Variants in ADGRV1 observed in about 807,000 individuals in gnomAD.
ADGRV1 encodes adhesion G protein-coupled receptor V1, also known as G-protein coupled receptor 98.
ADGRV1 carries 359 observed loss-of-function variants against 596.2 expected under a neutral mutation model. The ratio of observed to expected loss-of-function variants is 0.60; its 90% CI spans 0.55 to 0.66. The LOEUF is 0.66. ADGRV1 is among the 30% of genes least tolerant of loss of function. ADGRV1 has a pLI of 0.00. For synonymous variants in ADGRV1, 2,681 were observed against 2,679.2 expected, an observed-to-expected ratio of 1.00 and a Z score of -0.02; for missense variants, 7,274 against 7,575.6, an observed-to-expected ratio of 0.96 and a Z score of 1.48.
At chr5:90,797,816 A>ATTCC (rs1473513086) in intron 70 of ADGRV1, among the ~76,000 whole-genome samples, 1 of 151,264 alleles carries the variant, frequency 6.6e-6, no homozygotes, top group Admixed American at 6.6e-5. Context: ...AGGATTGGGA[A>ATTCC]ACTCACTCAA....
At chr5:90,915,426 A>G (rs989497800) in intron 83 of ADGRV1, among the ~76,000 whole-genome samples, 2 of 152,160 alleles carry the variant, frequency 1.3e-5, no homozygotes, top group African/African-American at 4.8e-5. Context: ...AGTATTACTT[A>G]TTAATCTCTG....
chr5:90,879,611 T>C (rs1769561645), intron 83 of ADGRV1, among the ~76,000 whole-genome samples: 1 of 152,178 alleles, frequency 6.6e-6, no homozygotes, highest in Non-Finnish European at 1.5e-5. Flanking sequence ...TGCTTTTTTT[T>C]TCTCCAAATG....
chr5:90,715,229 G>A (rs1422905571), intron 42 of ADGRV1, among the ~76,000 whole-genome samples: 2 of 152,196 alleles, frequency 1.3e-5, no homozygotes, highest in African/African-American at 4.8e-5. Context: ...GTGAGAGAGA[G>A]GAAAGCTGAT....
intron 84 of ADGRV1, among the ~76,000 whole-genome samples, chr5:90,975,446 T>A (rs990657601): frequency 6.6e-6 from 1 of 152,144 alleles, no homozygotes; most frequent in African/African-American, 2.4e-5. Flanking sequence ...GACTTGGAAC[T>A]CACCCAAATG....
chr5:90,763,093 T>C, intron 58 of ADGRV1: 1 of 465,102 alleles, frequency 2.2e-6, no homozygotes, highest in African/African-American at 1.9e-5. Flanking sequence ...CTCTACCTAA[T>C]TGCAAGAGAA....
chr5:90,626,889 T>G (rs948781771), intron 6 of ADGRV1, among the ~76,000 whole-genome samples: 1 of 152,208 alleles, frequency 6.6e-6, no homozygotes. Flanking sequence ...CTGATAAAAC[T>G]GATAGAAATG....
In ADGRV1 at chr5:90,675,299, C is replaced by G. The variant is rs755132518; in HGVS notation, c.5167C>G (p.Pro1723Ala). 14 of 1,613,754 alleles carry G rather than the reference C, an allele frequency of 8.7e-6. No individual in the cohort carries two copies. The Admixed American group carries it at 1.2e-4, about 13-fold the overall frequency. Reference protein sequence around the residue: ...PPQPKDAMTLPASSVPHITVE... With the variant: ...PPQPKDAMTLAASSVPHITVE... The stretch of plus-strand genomic sequence containing the variant: ...TCAGCCTAAGGACGCAATGACCCTG[C>G]CTGCAAGCAGCGTTCCACATATCAC... Residue 1723 changes from proline (P) to alanine (A), a missense_variant, in exon 24 of 90, where the codon CCT becomes GCT. Pro to Ala is a conservative substitution (Grantham distance 27). Coordinates refer to ENST00000405460, the MANE Select transcript of ADGRV1 (RefSeq NM_032119.4).
intron 83 of ADGRV1, chr5:90,929,596 G>C (rs533305993): frequency 6.5e-6 from 1 of 154,882 alleles, no homozygotes; most frequent in African/African-American, 2.4e-5. Flanking sequence ...TGGCTTCTGC[G>C]TCACTCAGGC....
intron 10 of ADGRV1, among the ~76,000 whole-genome samples, chr5:90,635,653 C>T (rs1446174346): frequency 6.6e-6 from 1 of 151,294 alleles, no homozygotes; most frequent in Non-Finnish European, 1.5e-5. Context: ...AGTGCAGTGG[C>T]GTGATCTCAG....
chr5:91,052,624 A>T (rs1256781927), intron 85 of ADGRV1, among the ~76,000 whole-genome samples: 1 of 151,874 alleles, frequency 6.6e-6, no homozygotes, highest in African/African-American at 2.4e-5. Flanking sequence ...TAGTAGAGAC[A>T]GGTCTCACCA....
chr5:90,905,377 T>A (rs1284750772), intron 83 of ADGRV1, among the ~76,000 whole-genome samples: 1 of 152,118 alleles, frequency 6.6e-6, no homozygotes, highest in Non-Finnish European at 1.5e-5. Flanking sequence ...ACATGGAATA[T>A]CTCTCATTTT....
chr5:90,799,577 A>T (rs1054774737), intron 70 of ADGRV1, among the ~76,000 whole-genome samples: 1 of 152,190 alleles, frequency 6.6e-6, no homozygotes, highest in African/African-American at 2.4e-5. Context: ...GGAAAAAACT[A>T]CCTTAAACTT....
intron 83 of ADGRV1, among the ~76,000 whole-genome samples, chr5:90,868,475 T>G (rs765105502): frequency 1.3e-5 from 2 of 152,010 alleles, no homozygotes; most frequent in African/African-American, 2.4e-5. Flanking sequence ...AGGCCTTTAT[T>G]CTGGTCATTC....
chr5:90,878,967 G>C (rs1269108411), intron 83 of ADGRV1, among the ~76,000 whole-genome samples: 3 of 152,258 alleles, frequency 2.0e-5, no homozygotes, highest in Non-Finnish European at 4.4e-5. Context: ...AGCTACATGT[G>C]AGTCATTCTT....
At chr5:90,792,166 A>G (rs1328019616) in intron 70 of ADGRV1, 2 of 152,218 alleles carry the variant, frequency 1.3e-5, no homozygotes, top group Non-Finnish European at 2.9e-5. Flanking sequence ...AGAGAGAATG[A>G]AAAAGGAGAA....
chr5:90,800,583 G>C (rs958390415), intron 70 of ADGRV1, among the ~76,000 whole-genome samples: 3 of 152,074 alleles, frequency 2.0e-5, no homozygotes, highest in Non-Finnish European at 4.4e-5. Flanking sequence ...GGCATATACC[G>C]AAAGGATTAT....
At chr5:90,590,211 A>C (rs1759301082) in intron 1 of ADGRV1, among the ~76,000 whole-genome samples, 1 of 152,206 alleles carries the variant, frequency 6.6e-6, no homozygotes, top group Non-Finnish European at 1.5e-5. Context: ...AGCCATGTCC[A>C]AACTTAGTGG....
chr5:90,963,626 A>G lies in ADGRV1; in HGVS notation c.17857-1789A>G, dbSNP rs1778207079. ...TAGGGCTAAGTAAACAGAAAGTTGA[A>G]TCAAGGTACTTCTCATTTTAAAAAT... On this transcript the variant is annotated intron_variant, in intron 83 of 89. Transcript: ENST00000405460. Among the ~76,000 whole-genome samples, 3 of 152,150 alleles carry G rather than the reference A, an allele frequency of 2.0e-5. No homozygotes were observed. The South Asian group carries it at 6.2e-4, about 32-fold the overall frequency.
At chr5:90,756,871 C>G (rs915071566) in intron 56 of ADGRV1, 108 bp from the exon 57 acceptor site, 2 of 941,518 alleles carry the variant, frequency 2.1e-6, no homozygotes, top group African/African-American at 3.3e-5. Flanking sequence ...TTAATTTCTA[C>G]TTTAAAGGGT....
Sources: gnomAD v4.1 joint callset for allele counts (sites outside exome capture counted in the v4.1 genomes callset) on GRCh38, gnomAD v4.1.1 for gene constraint, MANE v1.5 for transcripts, NCBI Gene and HGNC (gene_info 2026-07-23, HGNC 2026-07-21) for gene names.